Variants in TENM2 observed in about 807,000 individuals in gnomAD.
TENM2 encodes the protein teneurin-2.
Under a neutral mutation model 245.2 loss-of-function variants are expected in TENM2, and 52 were observed. The ratio of observed to expected loss-of-function variants is 0.21; its 90% CI spans 0.17 to 0.27. The LOEUF (loss-of-function observed/expected upper bound fraction) is 0.27. Ranked by LOEUF, TENM2 falls within the 10% of genes least tolerant of loss-of-function variation. The pLI is 1.00. For missense variants in TENM2, 3,046 were observed against 3,666.8 expected, an observed-to-expected ratio of 0.83 and a Z score of 4.37; for synonymous variants, 1,363 against 1,438.9, an observed-to-expected ratio of 0.95 and a Z score of 1.19.
At chr5:167,989,296 G>GAA in intron 4 of TENM2, among the ~76,000 whole-genome samples, 1 of 142,556 alleles carries the variant, frequency 7.0e-6, no homozygotes, top group African/African-American at 2.7e-5. Flanking sequence ...GAGAGAGAGA[G>GAA]AGAGATAGAT....
intron 2 of TENM2, among the ~76,000 whole-genome samples, chr5:167,815,300 G>A (rs148100349): frequency 6.6e-6 from 1 of 152,044 alleles, no homozygotes; most frequent in Non-Finnish European, 1.5e-5. Context: ...AGTTTGTAAC[G>A]ATCCCATAAT....
At chr5:168,007,631 T>C (rs992299773) in intron 5 of TENM2, among the ~76,000 whole-genome samples, 1 of 152,164 alleles carries the variant, frequency 6.6e-6, no homozygotes, top group African/African-American at 2.4e-5. Flanking sequence ...ATGGGTTCTC[T>C]TTTCTACACC....
intron 4 of TENM2, among the ~76,000 whole-genome samples, chr5:167,969,847 T>G (rs1234688694): frequency 1.3e-5 from 2 of 152,210 alleles, no homozygotes; most frequent in African/African-American, 4.8e-5. Context: ...GACCCAAGCC[T>G]CAAGCCTGGA....
chr5:167,162,837 C>T, the TENM2 span, among the ~76,000 whole-genome samples: 1 of 152,114 alleles, frequency 6.6e-6, no homozygotes, highest in Non-Finnish European at 1.5e-5. Context: ...TCAGCTTTTT[C>T]TTGCCAATGA....
chr5:167,461,759 A>G (rs541953451), intron 2 of TENM2, among the ~76,000 whole-genome samples: 6 of 152,234 alleles, frequency 3.9e-5, no homozygotes, highest in African/African-American at 1.2e-4. Flanking sequence ...AAGCAAATGC[A>G]TCACTATTGT....
intron 2 of TENM2, among the ~76,000 whole-genome samples, chr5:167,798,652 C>G (rs1765486902): frequency 6.6e-6 from 1 of 152,204 alleles, no homozygotes; most frequent in Non-Finnish European, 1.5e-5. Context: ...GCACTTTTGC[C>G]TAGGGCCGGC....
chr5:168,064,396 A>G (rs185259042), intron 7 of TENM2, among the ~76,000 whole-genome samples: 2,117 of 151,924 alleles, frequency 0.014, 170 homozygotes, highest in Admixed American at 0.12. Context: ...TCCCCACATT[A>G]CCCCCAAAGC....
chr5:167,461,562 A>G, intron 2 of TENM2, among the ~76,000 whole-genome samples: 1 of 152,192 alleles, frequency 6.6e-6, no homozygotes, highest in East Asian at 1.9e-4. Context: ...AATGTTTATA[A>G]GAGATATTAT....
chr5:167,563,506 T>C (rs1773722945), intron 2 of TENM2, among the ~76,000 whole-genome samples: 1 of 152,198 alleles, frequency 6.6e-6, no homozygotes, highest in Non-Finnish European at 1.5e-5. Flanking sequence ...GCACCAACTG[T>C]GTGTCCTTAC....
chr5:167,215,749 A>G, the TENM2 span, among the ~76,000 whole-genome samples: 1 of 152,234 alleles, frequency 6.6e-6, no homozygotes, highest in Non-Finnish European at 1.5e-5. Context: ...GGGCCAAAAG[A>G]TAAGCTAATA....
At chr5:167,705,334 C>G (rs577802856) in intron 2 of TENM2, among the ~76,000 whole-genome samples, 11 of 152,252 alleles carry the variant, frequency 7.2e-5, no homozygotes, top group African/African-American at 2.6e-4. Flanking sequence ...AAATAATTAT[C>G]AAGATCTTGA....
At chr5:167,452,771 T>C (rs1280461524) in intron 2 of TENM2, among the ~76,000 whole-genome samples, 1 of 150,680 alleles carries the variant, frequency 6.6e-6, no homozygotes. Flanking sequence ...TCACACACCG[T>C]GGCCTGTTGT....
the TENM2 span, among the ~76,000 whole-genome samples, chr5:167,014,156 A>C: frequency 1.9e-4 from 3 of 16,032 alleles, no homozygotes; most frequent in South Asian, 4.6e-3. Context: ...TTTTTTTTCT[A>C]AAATGATCAT....
chr5:167,723,992 T>C (rs977171539), intron 2 of TENM2, among the ~76,000 whole-genome samples: 1 of 152,210 alleles, frequency 6.6e-6, no homozygotes, highest in Non-Finnish European at 1.5e-5. Flanking sequence ...CCACAGCCCT[T>C]CTGACTTTCT....
At chr5:167,461,663 G>GT (rs780604019) in intron 2 of TENM2, among the ~76,000 whole-genome samples, 2 of 152,164 alleles carry the variant, frequency 1.3e-5, no homozygotes, top group Non-Finnish European at 2.9e-5. Flanking sequence ...TCTCTTGCAT[G>GT]TATCTTAATT....
intron 2 of TENM2, among the ~76,000 whole-genome samples, chr5:167,388,344 T>C (rs1017136554): frequency 1.3e-5 from 2 of 152,172 alleles, no homozygotes; most frequent in Non-Finnish European, 2.9e-5. Flanking sequence ...TTCTGTGGTG[T>C]CAGTTGTAAT....
intron 2 of TENM2, among the ~76,000 whole-genome samples, chr5:167,818,476 C>G (rs1052159734): frequency 6.6e-6 from 1 of 152,160 alleles, no homozygotes; most frequent in Admixed American, 6.5e-5. Context: ...TAACTAAGTA[C>G]TTTACATTTC....
chr5:167,640,903 A>ATATATATATATC (rs1779564521), intron 2 of TENM2, among the ~76,000 whole-genome samples: 1 of 95,548 alleles, frequency 1.0e-5, no homozygotes, highest in South Asian at 3.5e-4. Context: ...ATATATATAT[A>ATATATATATATC]TATCTTTCTC....
chr5:167,144,573 C>T, the TENM2 span, among the ~76,000 whole-genome samples: 1 of 152,116 alleles, frequency 6.6e-6, no homozygotes, highest in African/African-American at 2.4e-5. Flanking sequence ...CAACACTTGA[C>T]ACTCCCAAGA....
Sources: allele counts gnomAD v4.1 joint callset (sites outside exome capture counted in the v4.1 genomes callset), GRCh38; gene constraint gnomAD v4.1.1; transcripts MANE v1.5; gene names NCBI Gene and HGNC (gene_info 2026-07-23, HGNC 2026-07-21).